Variants in GTF2H5 observed in about 807,000 individuals in gnomAD.
The protein encoded by GTF2H5 is TFB5 ortholog.
Under a neutral mutation model 7.1 loss-of-function variants are expected in GTF2H5, and 5 were observed. That is an observed-to-expected ratio of 0.71 (90% confidence interval 0.37 to 1.49). The LOEUF (loss-of-function observed/expected upper bound fraction) is 1.49. Ranked by LOEUF, GTF2H5 falls within the 40% of genes most tolerant of loss-of-function variation. GTF2H5 has a pLI of 0.03. For missense variants in GTF2H5, 80 were observed against 83.0 expected (o/e 0.96, Z 0.14); for synonymous variants, 30 against 31.7 (o/e 0.95, Z 0.18).
In GTF2H5 at chr6:158,196,236, C is replaced by G. The variant is rs184452268; in HGVS notation, c.*4079C>G. 6.6e-6 allele frequency: 1 copy of G among 152,148 alleles called. No individual in the cohort carries two copies. The highest frequency in any genetic ancestry group is 1.5e-5 in the Non-Finnish European group (1 of 68,074). The allele number at this position is 152,148 out of a possible 1,614,324, so 9.4% of individuals were successfully genotyped here. On this transcript the variant is annotated 3_prime_UTR_variant, in exon 3 of 3. Transcript: ENST00000607778. ...GGTGGAGGTTGCAGTGAGCCGAGAT[C>G]GTGCCACTGCACTCCAGCCGGGGTG...
At position 158,185,540 on chromosome 6, in the gene GTF2H5, C is replaced by CAA. The variant is rs35857314; in HGVS notation, c.36-6419_36-6418dup. Among the ~76,000 whole-genome samples, 244 of 81,510 alleles carry CAA rather than the reference C, an allele frequency of 3.0e-3. 2 individuals are homozygous for CAA. Among genetic ancestry groups the CAA allele is most frequent in the African/African-American group, 4.9e-3 (128 of 26,030 alleles). 53.5% of individuals were successfully genotyped at this position (81,510 alleles called of 152,430 possible). ...TAGGCAACAGAGTGAGGCCCTGTCT[C>CAA]AAAAAAAAAAAAAAAAAAAGTTTGA... is the stretch of plus-strand genomic sequence containing the variant. On this transcript the variant is annotated intron_variant, in intron 2 of 2. Transcript: ENST00000607778.
chr6:158,174,964 G>T, intron 2 of GTF2H5, among the ~76,000 whole-genome samples: 1 of 148,628 alleles, frequency 6.7e-6, no homozygotes, highest in African/African-American at 2.5e-5. Context: ...CTCTTAGTAG[G>T]GCCATGTTCG....
At chr6:158,183,962 A>G (rs1174557273) in intron 2 of GTF2H5, among the ~76,000 whole-genome samples, 3 of 152,236 alleles carry the variant, frequency 2.0e-5, no homozygotes, top group Non-Finnish European at 4.4e-5. Context: ...TTGGAAATGC[A>G]GAAATCACCT....
At chr6:158,184,979 A>G (rs1419410292) in intron 2 of GTF2H5, among the ~76,000 whole-genome samples, 2 of 152,072 alleles carry the variant, frequency 1.3e-5, no homozygotes. Flanking sequence ...TCTTTTCTGT[A>G]CAATAGCCTT....
chr6:158,181,290 A>G (rs1189528963), intron 2 of GTF2H5, among the ~76,000 whole-genome samples: 1 of 152,176 alleles, frequency 6.6e-6, no homozygotes, highest in Non-Finnish European at 1.5e-5. Flanking sequence ...TTTACTTCCA[A>G]TTATATGGTC....
At chr6:158,184,678 T>A in intron 2 of GTF2H5, among the ~76,000 whole-genome samples, 1 of 152,200 alleles carries the variant, frequency 6.6e-6, no homozygotes, top group East Asian at 1.9e-4. Context: ...ACTCCCAGGA[T>A]ATATGGAATT....
intron 2 of GTF2H5, among the ~76,000 whole-genome samples, chr6:158,172,591 C>T (rs1341391231): frequency 6.6e-6 from 1 of 152,156 alleles, no homozygotes; most frequent in Non-Finnish European, 1.5e-5. Context: ...AGCCACTGCA[C>T]CCAGCCTAGC....
chr6:158,186,784 G>A (rs1011868617), intron 2 of GTF2H5, among the ~76,000 whole-genome samples: 1 of 152,178 alleles, frequency 6.6e-6, no homozygotes, highest in Non-Finnish European at 1.5e-5. Flanking sequence ...GGAATGGGGG[G>A]CGGGCTTCCC....
intron 1 of GTF2H5, among the ~76,000 whole-genome samples, chr6:158,169,380 ATATATTATATATAATATTATATTG>A (rs1345579462): frequency 2.1e-5 from 2 of 94,928 alleles, no homozygotes; most frequent in Non-Finnish European, 3.6e-5. Context: ...TATGTATATT[ATATATTATATATAATATTATATTG>A]TATATTATAT....
intron 2 of GTF2H5, among the ~76,000 whole-genome samples, chr6:158,179,027 G>A (rs1325743199): frequency 1.3e-5 from 2 of 152,132 alleles, no homozygotes; most frequent in Non-Finnish European, 2.9e-5. Context: ...TTTGTATAAG[G>A]TGTAAGGAAA....
chr6:158,195,964 T>C lies in GTF2H5; in HGVS notation c.*3807T>C, dbSNP rs570049280. On this transcript the variant is annotated 3_prime_UTR_variant, in exon 3 of 3. Transcript: ENST00000607778. The stretch of plus-strand genomic sequence containing the variant: ...TGGATAAACTTTTTTAAAAACACTG[T>C]TCTCAAGATAGGCAAGTGATTAAGA... 1 of 152,286 alleles carries C rather than the reference T, an allele frequency of 6.6e-6. No individual in the cohort carries two copies. Among genetic ancestry groups the C allele is most frequent in the Non-Finnish European group, 1.5e-5 (1 of 68,020 alleles). The allele number at this position is 152,286 out of a possible 1,614,324, so 9.4% of individuals were successfully genotyped here.
chr6:158,173,215 A>G (rs1785881313), intron 2 of GTF2H5, among the ~76,000 whole-genome samples: 1 of 152,176 alleles, frequency 6.6e-6, no homozygotes, highest in Non-Finnish European at 1.5e-5. Flanking sequence ...ATTAAATTTT[A>G]TTTTGCAGGT....
Position 158,199,115 on chromosome 6 carries a change from G to C in GTF2H5, c.*6958G>C, listed in dbSNP as rs1263934932. On this transcript the variant is annotated 3_prime_UTR_variant, in exon 3 of 3. Coordinates refer to ENST00000607778, the MANE Select transcript of GTF2H5 (RefSeq NM_207118.3). ...GCTTGTCAAATTCGTCACTAAAATTGATTTACTTTCTTGAAAACCTGTTTC... is the reference window on the plus strand; with the variant it reads ...GCTTGTCAAATTCGTCACTAAAATTCATTTACTTTCTTGAAAACCTGTTTC... 1 of 152,012 alleles carries C rather than the reference G, an allele frequency of 6.6e-6. No homozygotes were observed. Among genetic ancestry groups the C allele is most frequent in the Non-Finnish European group, 1.5e-5 (1 of 68,004 alleles). 9.4% of individuals were successfully genotyped at this position (152,012 alleles called of 1,614,324 possible).
intron 2 of GTF2H5, among the ~76,000 whole-genome samples, chr6:158,172,695 T>G (rs1218757430): frequency 6.6e-6 from 1 of 152,192 alleles, no homozygotes; most frequent in Non-Finnish European, 1.5e-5. Context: ...TGATGCCTCC[T>G]TAATCACATA....
chr6:158,193,187 CA>C lies in GTF2H5; in HGVS notation c.*1031del, dbSNP rs1426852241. ...ACAAAAATCTGCCTGTTGTCCCAGC[CA>C]CTGGGGAGGCTGAGGTAGGAGGTCA... On this transcript the variant is annotated 3_prime_UTR_variant, in exon 3 of 3. Transcript: ENST00000607778. 1 of 97,964 alleles carries C rather than the reference CA, an allele frequency of 1.0e-5. No individual in the cohort carries two copies. The highest frequency in any genetic ancestry group is 5.1e-5 in the African/African-American group (1 of 19,698). The allele number at this position is 97,964 out of a possible 1,614,324, so 6.1% of individuals were successfully genotyped here.
rs1785840969 is a variant in GTF2H5, at chr6:158,170,512, C to T, written c.9C>T (p.Asn3=). 11 of 1,609,342 alleles carry T rather than the reference C, an allele frequency of 6.8e-6. No individual in the cohort carries two copies. The highest frequency in any genetic ancestry group is 2.2e-5 in the East Asian group (1 of 44,866). MV[N]VLKGVLIECD... is the part of the protein sequence containing the mutation. ...GAACCTTCTGAGAAAACATGGTCAA[C>T]GTCTTGAAAGGAGTGCTTATAGAAT... Residue 3 remains asparagine, a synonymous_variant, in exon 2 of 3, where the codon AAC becomes AAT. Transcript: ENST00000607778.
intron 2 of GTF2H5, among the ~76,000 whole-genome samples, chr6:158,172,049 C>CT (rs34354114): frequency 8.0e-6 from 1 of 125,534 alleles, no homozygotes; most frequent in Admixed American, 8.8e-5. Context: ...TCAGCTATCA[C>CT]TTTTTTTCCC....
At chr6:158,180,450 A>G (rs917081389) in intron 2 of GTF2H5, among the ~76,000 whole-genome samples, 14 of 152,200 alleles carry the variant, frequency 9.2e-5, no homozygotes, top group African/African-American at 3.1e-4. Context: ...GAATGGTACC[A>G]GCTCCACTTT....
chr6:158,184,650 A>G (rs892180499), intron 2 of GTF2H5, among the ~76,000 whole-genome samples: 3 of 152,246 alleles, frequency 2.0e-5, no homozygotes, highest in African/African-American at 7.2e-5. Context: ...TAAAGGGGAA[A>G]TAAACCTAAG....
Sources: allele counts gnomAD v4.1 joint callset (sites outside exome capture counted in the v4.1 genomes callset), GRCh38; gene constraint gnomAD v4.1.1; transcripts MANE v1.5; gene names NCBI Gene and HGNC (gene_info 2026-07-23, HGNC 2026-07-21).